The following SPINK13 variants were observed in gnomAD, a reference collection of about 807,000 sequenced individuals.
The protein encoded by SPINK13 is serine protease inhibitor Kazal-type 13.
SPINK13 carries 11 observed loss-of-function variants against 11.0 expected under a neutral mutation model. The observed-to-expected ratio is 1.00, with a 90% confidence interval of 0.63 to 1.65. The LOEUF (loss-of-function observed/expected upper bound fraction) is 1.65. Ranked by LOEUF, SPINK13 falls within the 40% of genes most tolerant of loss-of-function variation. The pLI is 0.00. For synonymous variants in SPINK13, 31 were observed against 35.6 expected (o/e 0.87, Z 0.46); for missense variants, 113 against 117.7 (o/e 0.96, Z 0.19).
At chr5:148,275,359 C>T (rs1756409998) in intron 3 of SPINK13, among the ~76,000 whole-genome samples, 1 of 152,106 alleles carries the variant, frequency 6.6e-6, no homozygotes, top group African/African-American at 2.4e-5. Context: ...ATATATGTGC[C>T]ACATTTTTTT....
intron 3 of SPINK13, among the ~76,000 whole-genome samples, chr5:148,279,684 C>A (rs1342401022): frequency 6.6e-6 from 1 of 152,186 alleles, no homozygotes; most frequent in Admixed American, 6.5e-5. Context: ...CATGGGTAAA[C>A]CGACCTTTCT....
chr5:148,278,114 G>A (rs368516373), intron 3 of SPINK13, among the ~76,000 whole-genome samples: 7 of 152,108 alleles, frequency 4.6e-5, no homozygotes, highest in South Asian at 2.1e-4. Context: ...GGGATTGCTC[G>A]TGATATCCCC....
chr5:148,274,859 T>A (rs912361313), intron 3 of SPINK13, among the ~76,000 whole-genome samples: 3 of 152,202 alleles, frequency 2.0e-5, no homozygotes, highest in Admixed American at 6.5e-5. Context: ...AGCTTTAAAA[T>A]ATAATATTTT....
intron 2 of SPINK13, among the ~76,000 whole-genome samples, chr5:148,271,728 C>T (rs974850820): frequency 4.6e-5 from 7 of 152,124 alleles, no homozygotes; most frequent in African/African-American, 1.4e-4. Flanking sequence ...GGATTCACGC[C>T]GTTCTCCTGC....
intron 4 of SPINK13, 139 bp from the exon 5 acceptor site, chr5:148,285,861 A>G: frequency 2.1e-6 from 1 of 482,326 alleles, no homozygotes; most frequent in Non-Finnish European, 3.7e-6. Context: ...CAAAAATGAA[A>G]AAAAAAAAGA....
chr5:148,277,884 C>T (rs1490585474), intron 3 of SPINK13, among the ~76,000 whole-genome samples: 2 of 152,178 alleles, frequency 1.3e-5, no homozygotes, highest in Non-Finnish European at 2.9e-5. Context: ...TAGAATTCAG[C>T]TGTGAATCCA....
chr5:148,275,947 C>T (rs547490836), intron 3 of SPINK13, among the ~76,000 whole-genome samples: 1 of 152,274 alleles, frequency 6.6e-6, no homozygotes, highest in South Asian at 2.1e-4. Flanking sequence ...AGACGTGAGC[C>T]ACTGCGCCCG....
chr5:148,279,431 C>T (rs925132426), intron 3 of SPINK13, among the ~76,000 whole-genome samples: 1 of 151,978 alleles, frequency 6.6e-6, no homozygotes, highest in Non-Finnish European at 1.5e-5. Flanking sequence ...TTTTCCTTCC[C>T]ATGTTTAGTG....
chr5:148,271,871 G>A (rs1380828269), intron 2 of SPINK13, among the ~76,000 whole-genome samples: 5 of 151,806 alleles, frequency 3.3e-5, no homozygotes, highest in East Asian at 1.9e-4. Context: ...TGATCCGCCC[G>A]CCTGGCCTCC....
chr5:148,272,447 C>T (rs183911564), intron 2 of SPINK13, among the ~76,000 whole-genome samples: 1 of 151,950 alleles, frequency 6.6e-6, no homozygotes, highest in East Asian at 1.9e-4. Flanking sequence ...TTCCAGAAGC[C>T]CAATTGTTTT....
At chr5:148,280,506 C>G (rs1298237501) in intron 3 of SPINK13, among the ~76,000 whole-genome samples, 1 of 152,150 alleles carries the variant, frequency 6.6e-6, no homozygotes, top group African/African-American at 2.4e-5. Context: ...GATACTATTG[C>G]TTTCGTTTGT....
intron 2 of SPINK13, among the ~76,000 whole-genome samples, chr5:148,273,049 C>T (rs942036096): frequency 2.6e-5 from 4 of 152,116 alleles, no homozygotes; most frequent in African/African-American, 7.2e-5. Context: ...TTTTAATTAG[C>T]ATTTTTCTTA....
chr5:148,280,129 T>C (rs11948723), intron 3 of SPINK13, among the ~76,000 whole-genome samples: 3,597 of 152,224 alleles, frequency 0.024, 162 homozygotes, highest in African/African-American at 0.083. Flanking sequence ...TTTTTCATCT[T>C]CATCAAGTCA....
intron 3 of SPINK13, among the ~76,000 whole-genome samples, chr5:148,279,091 C>CTTTTTTTT (rs746029113): frequency 1.5e-4 from 8 of 51,682 alleles, no homozygotes; most frequent in South Asian, 8.7e-4. Flanking sequence ...GCAACCCCTG[C>CTTTTTTTT]TTTTTTTTTT....
intron 3 of SPINK13, 104 bp from the exon 4 acceptor site, chr5:148,282,000 C>A: frequency 6.9e-7 from 1 of 1,456,542 alleles, no homozygotes; most frequent in Non-Finnish European, 9.3e-7. Context: ...GATCAATTGA[C>A]TGGTATGATT....
At chr5:148,273,378 A>T (rs147494295) in intron 2 of SPINK13, among the ~76,000 whole-genome samples, 1 of 152,058 alleles carries the variant, frequency 6.6e-6, no homozygotes, top group Non-Finnish European at 1.5e-5. Context: ...CATTTTAATT[A>T]TTGTATAGTT....
intron 2 of SPINK13, among the ~76,000 whole-genome samples, chr5:148,273,863 C>A (rs1390793042): frequency 6.6e-6 from 1 of 152,194 alleles, no homozygotes; most frequent in Non-Finnish European, 1.5e-5. Flanking sequence ...CTCATACAAC[C>A]AACCCATAAA....
At chr5:148,273,802 A>AT (rs1462066268) in intron 2 of SPINK13, among the ~76,000 whole-genome samples, 2 of 152,162 alleles carry the variant, frequency 1.3e-5, no homozygotes, top group Non-Finnish European at 2.9e-5. Flanking sequence ...TTCTTATTTC[A>AT]TTTTCCCACA....
rs1756587196 is a variant in SPINK13 at position 148,286,099 on chromosome 5, A to G, written c.*51A>G. 8.4e-7 allele frequency: 1 copy of G among 1,186,084 alleles called. No homozygotes were observed. Among genetic ancestry groups the G allele is most frequent in the African/African-American group, 1.6e-5 (1 of 61,560 alleles). 73.5% of individuals were successfully genotyped at this position (1,186,084 alleles called of 1,614,324 possible). A position where few individuals can be genotyped will look rare whatever the true frequency, so the allele number is the denominator to read the frequency against. On this transcript the variant is annotated 3_prime_UTR_variant, in exon 5 of 5. Coordinates refer to ENST00000398450, the MANE Select transcript of SPINK13 (RefSeq NM_001040129.3). ...TTATTCTTTTTCTACTTAATTCAGA[A>G]TAGTATTTCTTTTAGAGTGTGAGAA...
Sources: allele counts gnomAD v4.1 joint callset (sites outside exome capture counted in the v4.1 genomes callset), GRCh38; gene constraint gnomAD v4.1.1; transcripts MANE v1.5; gene names NCBI Gene and HGNC (gene_info 2026-07-23, HGNC 2026-07-21).